TACC1: variants seen among roughly 807,000 people sequenced by gnomAD.
TACC1 encodes the protein transforming acidic coiled-coil-containing protein 1.
A neutral mutation model predicts 84.4 loss-of-function variants in TACC1; 48 were observed. The observed-to-expected ratio is 0.57, with a 90% confidence interval of 0.45 to 0.72. The LOEUF (loss-of-function observed/expected upper bound fraction) is 0.72, where lower values mean the gene tolerates loss of function less well. Ranked by LOEUF, TACC1 falls within the 30% of genes least tolerant of loss-of-function variation. The probability of loss-of-function intolerance (pLI) is 0.00; values close to 1 mark genes in which losing one functional copy is unlikely to be tolerated. For missense variants in TACC1, 920 were observed against 973.0 expected (o/e 0.95, Z 0.72); for synonymous variants, 372 against 376.3 (o/e 0.99, Z 0.13).
chr8:38,791,870 C>G (rs1818750549), intron 2 of TACC1, among the ~76,000 whole-genome samples: 1 of 152,142 alleles, frequency 6.6e-6, no homozygotes, highest in East Asian at 1.9e-4. Flanking sequence ...ACCCATGGCT[C>G]CTGTGCTGAC....
At position 38,787,630 on chromosome 8, in the gene TACC1, A is replaced by G. The variant is rs1291441991; in HGVS notation, c.48A>G (p.Lys16=). Residue 16 remains lysine (K), a synonymous_variant, in exon 1 of 13, where the codon AAA becomes AAG. Transcript: ENST00000317827. ...TCCTGTCCCCCGTGCAGTGGGCGAAATGGACGTGGTCTGCGGTACGCGGCG... is the reference window on the plus strand; with the variant it reads ...TCCTGTCCCCCGTGCAGTGGGCGAAGTGGACGTGGTCTGCGGTACGCGGCG... The part of the protein sequence containing the change: ...WQILSPVQWA[K]WTWSAVRGGA... The G allele has an allele frequency of 1.6e-5, 25 of 1,548,258 alleles. No homozygotes were observed. The highest frequency in any genetic ancestry group is 2.2e-5 in the Non-Finnish European group (25 of 1,146,110).
intron 2 of TACC1, among the ~76,000 whole-genome samples, chr8:38,807,508 C>T (rs1479534107): frequency 6.6e-6 from 1 of 152,124 alleles, no homozygotes; most frequent in Non-Finnish European, 1.5e-5. Context: ...CAATGTTTTG[C>T]CATACAGTTA....
intron 2 of TACC1, among the ~76,000 whole-genome samples, chr8:38,810,776 A>G (rs1823903645): frequency 6.6e-6 from 1 of 152,078 alleles, no homozygotes; most frequent in Non-Finnish European, 1.5e-5. Flanking sequence ...CCCAGCCCAG[A>G]TTTCTTCTCT....
At chr8:38,742,941 C>T (rs1807360179) in intron 2 of TACC1, among the ~76,000 whole-genome samples, 1 of 152,190 alleles carries the variant, frequency 6.6e-6, no homozygotes, top group Admixed American at 6.5e-5. Flanking sequence ...TCTCGAACTC[C>T]TGACCTCAAG....
At chr8:38,833,536 A>C (rs1829666759) in intron 6 of TACC1, among the ~76,000 whole-genome samples, 1 of 152,184 alleles carries the variant, frequency 6.6e-6, no homozygotes, top group Non-Finnish European at 1.5e-5. Context: ...GAGAGTCGGC[A>C]GGCTGAAGAG....
At chr8:38,839,219 G>C (rs1830768021) in intron 8 of TACC1, 3 of 379,300 alleles carry the variant, frequency 7.9e-6, no homozygotes, top group Non-Finnish European at 1.4e-5. Context: ...AATTATGCAT[G>C]AGAGTTTCAA....
chr8:38,785,719 A>T (rs1202164984), upstream of TACC1: 1 of 985,346 alleles, frequency 1.0e-6, no homozygotes, highest in Non-Finnish European at 1.2e-6. Context: ...GGGACTGTAG[A>T]ACCTGAAGTT....
intron 2 of TACC1, chr8:38,799,567 T>C (rs529571243): frequency 4.6e-5 from 7 of 152,270 alleles, no homozygotes; most frequent in African/African-American, 1.4e-4. Context: ...GGAGGTCAAA[T>C]GTTAAAAGGA....
At chr8:38,739,551 TAC>T (rs1394172376) in intron 1 of TACC1, among the ~76,000 whole-genome samples, 2 of 152,270 alleles carry the variant, frequency 1.3e-5, no homozygotes, top group Non-Finnish European at 2.9e-5. Context: ...GCAGTTGTTT[TAC>T]ACATTTGTAA....
intron 3 of TACC1, among the ~76,000 whole-genome samples, chr8:38,754,900 C>T (rs866613073): frequency 2.6e-5 from 4 of 152,210 alleles, no homozygotes; most frequent in African/African-American, 4.8e-5. Context: ...CAGTGGCTCA[C>T]GCCTGTAATC....
chr8:38,732,682 C>T (rs1805192918), intron 1 of TACC1, among the ~76,000 whole-genome samples: 1 of 152,126 alleles, frequency 6.6e-6, no homozygotes, highest in South Asian at 2.1e-4. Flanking sequence ...CTCATGGCCG[C>T]CTGTCAGGTG....
chr8:38,738,953 C>T (rs1806531602), intron 1 of TACC1, among the ~76,000 whole-genome samples: 1 of 152,172 alleles, frequency 6.6e-6, no homozygotes, highest in South Asian at 2.1e-4. Flanking sequence ...TGCAGTGGCA[C>T]AATCTCGGCT....
intron 3 of TACC1, among the ~76,000 whole-genome samples, chr8:38,773,749 T>C: frequency 6.6e-6 from 1 of 152,156 alleles, no homozygotes; most frequent in East Asian, 1.9e-4. Flanking sequence ...TCTGTGTTCA[T>C]GGAGCTTATG....
intron 3 of TACC1, among the ~76,000 whole-genome samples, chr8:38,764,426 T>TAA (rs71216685): frequency 0.018 from 1,796 of 100,938 alleles, 28 homozygotes; most frequent in African/African-American, 0.065. Flanking sequence ...ATCAATTTGG[T>TAA]AAAAAAAAAA....
chr8:38,786,836 T>G (rs1429276927), upstream of TACC1, among the ~76,000 whole-genome samples: 2 of 151,972 alleles, frequency 1.3e-5, no homozygotes, highest in African/African-American at 4.8e-5. Context: ...GTATTTTTTT[T>G]TTTTTGGTAA....
rs148291995 is a variant in TACC1 at position 38,819,733 on chromosome 8, G to T, written c.489G>T (p.Ser163=). 1.9e-6 allele frequency: 3 copies of T among 1,613,932 alleles called. No individual in the cohort carries two copies. The highest frequency in any genetic ancestry group is 2.5e-6 in the Non-Finnish European group (3 of 1,180,048). ...SIETKDSTDI[S]AVLGTKAAHG... ...AAACGAAGGATTCCACGGATATCTC[G>T]GCAGTCCTCGGAACAAAAGCAGCTC... Residue 163 remains serine, a synonymous_variant, in exon 3 of 13, where the codon TCG becomes TCT. Transcript: ENST00000317827.
chr8:38,747,639 T>G (rs547261259), intron 3 of TACC1, among the ~76,000 whole-genome samples: 71 of 152,300 alleles, frequency 4.7e-4, no homozygotes, highest in African/African-American at 1.5e-3. Context: ...TACGACATTC[T>G]GGAAAAGGCA....
intron 11 of TACC1, 164 bp downstream of exon 11, chr8:38,843,559 A>G: frequency 2.3e-6 from 1 of 436,064 alleles, no homozygotes. Flanking sequence ...AAAGTAAAAA[A>G]AGGTATATCT....
chr8:38,761,718 T>C (rs1381287205), intron 3 of TACC1, among the ~76,000 whole-genome samples: 4 of 152,254 alleles, frequency 2.6e-5, no homozygotes, highest in Non-Finnish European at 4.4e-5. Flanking sequence ...ATATTTGTTG[T>C]CATTAAAAGC....
Sources: gnomAD v4.1 joint callset for allele counts (sites outside exome capture counted in the v4.1 genomes callset) on GRCh38, gnomAD v4.1.1 for gene constraint, MANE v1.5 for transcripts, NCBI Gene and HGNC (gene_info 2026-07-23, HGNC 2026-07-21) for gene names.